The following NFIA variants were observed in gnomAD, a reference collection of about 807,000 sequenced individuals.
NFIA encodes the protein nuclear factor 1 A-type.
In NFIA, 8 loss-of-function variants were observed where a neutral mutation model predicts 62.8. That is an observed-to-expected ratio of 0.13 (90% CI 0.07 to 0.23). The LOEUF is 0.23. Among genes scored for constraint, NFIA ranks in the 10% least tolerant of loss-of-function variants. The pLI is 1.00. For synonymous variants in NFIA, 235 were observed against 238.1 expected, an observed-to-expected ratio of 0.99 and a Z score of 0.12; for missense variants, 410 against 642.1, an observed-to-expected ratio of 0.64 and a Z score of 3.91.
intron 9 of NFIA, among the ~76,000 whole-genome samples, chr1:61,410,917 TATAAAAATAA>T (rs1666069020): frequency 6.6e-6 from 1 of 152,046 alleles, no homozygotes; most frequent in East Asian, 1.9e-4. Flanking sequence ...AAAAAATATA[TATAAAAATAA>T]ATAAAAATAA....
intron 9 of NFIA, among the ~76,000 whole-genome samples, chr1:61,415,192 G>A (rs1376483229): frequency 6.6e-6 from 1 of 151,888 alleles, no homozygotes; most frequent in East Asian, 1.9e-4. Context: ...GGGACAGTCT[G>A]GAAAAAATAA....
chr1:61,291,896 A>G (rs984138532), intron 3 of NFIA, among the ~76,000 whole-genome samples: 8 of 152,198 alleles, frequency 5.3e-5, no homozygotes, highest in African/African-American at 1.9e-4. Context: ...TGCATTATGT[A>G]TTACATTATT....
chr1:61,117,387 T>C (rs1421798444), intron 2 of NFIA, among the ~76,000 whole-genome samples: 1 of 152,128 alleles, frequency 6.6e-6, no homozygotes, highest in Non-Finnish European at 1.5e-5. Flanking sequence ...TGATATAGGA[T>C]TAACTTGGTG....
At chr1:61,211,716 G>A (rs547830691) in intron 2 of NFIA, among the ~76,000 whole-genome samples, 2 of 151,796 alleles carry the variant, frequency 1.3e-5, no homozygotes, top group Admixed American at 6.6e-5. Flanking sequence ...TATTTTTTTC[G>A]AGACAAAGTC....
chr1:61,334,549 G>GTC (rs1661484469), intron 4 of NFIA, among the ~76,000 whole-genome samples: 4 of 47,570 alleles, frequency 8.4e-5, no homozygotes, highest in Non-Finnish European at 1.2e-4. Flanking sequence ...GTGTGTGTGT[G>GTC]TGTGTGTATA....
intron 3 of NFIA, among the ~76,000 whole-genome samples, chr1:61,291,418 T>C (rs1658873910): frequency 6.6e-6 from 1 of 152,222 alleles, no homozygotes. Flanking sequence ...TGTAGAACAT[T>C]TGAGTTTTGG....
intron 2 of NFIA, among the ~76,000 whole-genome samples, chr1:61,192,283 C>CA (rs1332593536): frequency 6.6e-6 from 1 of 151,900 alleles, no homozygotes; most frequent in Non-Finnish European, 1.5e-5. Flanking sequence ...TGCACCCGGC[C>CA]AAAAAATAAC....
chr1:61,094,778 G>T (rs139007466), intron 2 of NFIA, among the ~76,000 whole-genome samples: 2 of 152,204 alleles, frequency 1.3e-5, no homozygotes, highest in Admixed American at 1.3e-4. Context: ...CAAAATATTA[G>T]AAAACAATTC....
intron 2 of NFIA, among the ~76,000 whole-genome samples, chr1:61,122,438 C>G: frequency 6.6e-6 from 1 of 152,102 alleles, no homozygotes; most frequent in East Asian, 1.9e-4. Context: ...TGCTGAGTGT[C>G]TCGTTAGACA....
At chr1:61,175,771 T>G (rs1032296978) in intron 2 of NFIA, among the ~76,000 whole-genome samples, 1 of 152,258 alleles carries the variant, frequency 6.6e-6, no homozygotes, top group African/African-American at 2.4e-5. Context: ...CAAGTGTCTC[T>G]TTCCTTCTTA....
In NFIA at chr1:61,455,402, C is replaced by A. The variant is rs565836546; in HGVS notation, c.*82C>A. 1.2e-6 allele frequency: 2 copies of A among 1,609,014 alleles called. No individual in the cohort carries two copies. Among genetic ancestry groups the A allele is most frequent in the Non-Finnish European group, 1.7e-6 (2 of 1,177,492 alleles). On this transcript the variant is annotated 3_prime_UTR_variant, in exon 11 of 11. Transcript: ENST00000403491. ...TAACATGGACGCAACCTCAACCCAG[C>A]GCAGTTACAACTTCACTATCAGCGG... is the stretch of plus-strand genomic sequence containing the variant.
At chr1:61,392,943 G>T in intron 7 of NFIA, among the ~76,000 whole-genome samples, 1 of 152,062 alleles carries the variant, frequency 6.6e-6, no homozygotes, top group African/African-American at 2.4e-5. Context: ...GTGTCCCAGT[G>T]GTGCATGTGT....
At chr1:61,237,939 C>T (rs557645031) in intron 2 of NFIA, among the ~76,000 whole-genome samples, 1 of 152,230 alleles carries the variant, frequency 6.6e-6, no homozygotes, top group South Asian at 2.1e-4. Context: ...TTAGTATTTT[C>T]AAATGGCTCA....
At chr1:61,368,759 T>TA (rs1198851751) in intron 6 of NFIA, among the ~76,000 whole-genome samples, 2 of 152,210 alleles carry the variant, frequency 1.3e-5, no homozygotes, top group Non-Finnish European at 2.9e-5. Flanking sequence ...AGGGGGTAAA[T>TA]ACTTTGAAAA....
rs757624743 is a variant in NFIA, at chr1:61,090,145, CATTT to C, written c.559+1466_559+1469del. Among the ~76,000 whole-genome samples, 3 of 152,066 alleles carry C rather than the reference CATTT, an allele frequency of 2.0e-5. No homozygotes were observed. In the South Asian group the frequency reaches 6.2e-4, roughly 32 times the overall value. On this transcript the variant is annotated intron_variant, in intron 2 of 10. Coordinates refer to ENST00000403491, the MANE Select transcript of NFIA (RefSeq NM_001134673.4). ...ACCCACTCTTAACCCTGTTGTTGTT[CATTT>C]GTTTTGTTTACTGAAAAAGTAAAGT...
chr1:61,395,963 T>G (rs548661959), intron 7 of NFIA, among the ~76,000 whole-genome samples: 4 of 152,354 alleles, frequency 2.6e-5, no homozygotes, highest in African/African-American at 9.6e-5. Context: ...GATTTTAATT[T>G]TATTTTTATG....
intron 2 of NFIA, among the ~76,000 whole-genome samples, chr1:61,206,967 C>G (rs1404883801): frequency 6.6e-6 from 1 of 152,128 alleles, no homozygotes; most frequent in Non-Finnish European, 1.5e-5. Flanking sequence ...CTGTTTATAT[C>G]TTTCGATGTA....
chr1:61,149,888 C>T (rs1477422006), intron 2 of NFIA, among the ~76,000 whole-genome samples: 2 of 151,796 alleles, frequency 1.3e-5, no homozygotes, highest in African/African-American at 4.8e-5. Context: ...GGCTATAAGC[C>T]CTTCAGTGTT....
intron 3 of NFIA, among the ~76,000 whole-genome samples, chr1:61,326,493 A>T (rs1375018258): frequency 6.6e-6 from 1 of 151,990 alleles, no homozygotes; most frequent in Admixed American, 6.6e-5. Context: ...GACATAGGTG[A>T]GCCCAGTTTG....
Sources: allele counts gnomAD v4.1 joint callset (sites outside exome capture counted in the v4.1 genomes callset), GRCh38; gene constraint gnomAD v4.1.1; transcripts MANE v1.5; gene names NCBI Gene and HGNC (gene_info 2026-07-23, HGNC 2026-07-21).